The following SLC35F4 variants were observed in gnomAD, a reference collection of about 807,000 sequenced individuals.
SLC35F4 encodes the protein chromosome 14 open reading frame 36.
In SLC35F4, 24 loss-of-function variants were observed where a neutral mutation model predicts 44.2. That is an observed-to-expected ratio of 0.54 (90% CI 0.39 to 0.76). The LOEUF is 0.76. Ranked by LOEUF, SLC35F4 falls within the 30% of genes least tolerant of loss-of-function variation. SLC35F4 has a pLI of 0.00. For missense variants in SLC35F4, 562 were observed against 586.1 expected (o/e 0.96, Z 0.42); for synonymous variants, 238 against 223.6 (o/e 1.06, Z -0.57).
chr14:57,579,182 T>A (rs2069047577), intron 4 of SLC35F4, among the ~76,000 whole-genome samples: 1 of 152,210 alleles, frequency 6.6e-6, no homozygotes, highest in South Asian at 2.1e-4. Context: ...CTTTTCAAGA[T>A]CCTTAAGTTA....
chr14:57,602,758 A>G (rs763443032), intron 1 of SLC35F4, among the ~76,000 whole-genome samples: 1 of 152,154 alleles, frequency 6.6e-6, no homozygotes, highest in Non-Finnish European at 1.5e-5. Context: ...TTCATATACT[A>G]AAGAAGTGGT....
At chr14:57,720,267 C>T (rs1178491201) in intron 1 of SLC35F4, among the ~76,000 whole-genome samples, 1 of 152,050 alleles carries the variant, frequency 6.6e-6, no homozygotes, top group Non-Finnish European at 1.5e-5. Context: ...CATCACTATT[C>T]ATAATATAGG....
At chr14:57,565,671 A>G (rs1459618040) in intron 7 of SLC35F4, among the ~76,000 whole-genome samples, 2 of 152,166 alleles carry the variant, frequency 1.3e-5, no homozygotes, top group South Asian at 2.1e-4. Context: ...GTCTCACACA[A>G]TTTGGCATTT....
chr14:57,751,014 G>T (rs147766864), intron 1 of SLC35F4, among the ~76,000 whole-genome samples: 50 of 152,198 alleles, frequency 3.3e-4, no homozygotes, highest in Non-Finnish European at 6.0e-4. Flanking sequence ...TCTAGCACAC[G>T]TTACTTACAG....
chr14:57,694,778 T>A (rs1287658527), intron 1 of SLC35F4, among the ~76,000 whole-genome samples: 5 of 152,214 alleles, frequency 3.3e-5, no homozygotes, highest in African/African-American at 1.2e-4. Flanking sequence ...AGATTTATTC[T>A]TATTTGATTT....
intron 4 of SLC35F4, among the ~76,000 whole-genome samples, chr14:57,573,911 A>G (rs1022975625): frequency 3.9e-5 from 6 of 152,254 alleles, no homozygotes; most frequent in Admixed American, 2.0e-4. Flanking sequence ...ACTTGAAGCC[A>G]AGGCTAACAA....
chr14:57,899,505 T>C (rs1164067270), intron 1 of SLC35F4, among the ~76,000 whole-genome samples: 1 of 152,222 alleles, frequency 6.6e-6, no homozygotes, highest in Admixed American at 6.5e-5. Flanking sequence ...TTGAGAACCA[T>C]AAAGTGCTAC....
At chr14:57,970,315 C>T (rs866436255) in intron 1 of SLC35F4, among the ~76,000 whole-genome samples, 20 of 152,148 alleles carry the variant, frequency 1.3e-4, no homozygotes, top group Non-Finnish European at 2.8e-4. Context: ...AATACTTTCA[C>T]CTTTTTAAAA....
intron 1 of SLC35F4, among the ~76,000 whole-genome samples, chr14:57,910,290 G>A (rs1477635994): frequency 1.3e-5 from 2 of 152,032 alleles, no homozygotes; most frequent in African/African-American, 4.8e-5. Context: ...CAGAGAAGAA[G>A]TGTTTAATTT....
intron 1 of SLC35F4, among the ~76,000 whole-genome samples, chr14:57,757,695 T>C (rs554666518): frequency 1.6e-4 from 24 of 152,200 alleles, no homozygotes; most frequent in Non-Finnish European, 2.9e-4. Flanking sequence ...GCAATTTTTA[T>C]CATCATTCTT....
chr14:57,706,257 A>G (rs1336738594), intron 1 of SLC35F4, among the ~76,000 whole-genome samples: 1 of 152,240 alleles, frequency 6.6e-6, no homozygotes, highest in Non-Finnish European at 1.5e-5. Context: ...AAAAAATGAC[A>G]TCATTGTCCT....
intron 1 of SLC35F4, among the ~76,000 whole-genome samples, chr14:57,689,213 TC>T (rs1322639333): frequency 1.3e-5 from 2 of 152,142 alleles, no homozygotes. Context: ...AACAGCATCC[TC>T]CTCCAATTGA....
intron 1 of SLC35F4, among the ~76,000 whole-genome samples, chr14:57,892,327 C>T (rs1566923088): frequency 6.6e-6 from 1 of 152,216 alleles, no homozygotes; most frequent in Non-Finnish European, 1.5e-5. Flanking sequence ...AGTCAGGTGA[C>T]ATGTTTAGTC....
At chr14:57,967,870 T>G (rs1252526448) in intron 1 of SLC35F4, among the ~76,000 whole-genome samples, 2 of 152,222 alleles carry the variant, frequency 1.3e-5, no homozygotes, top group Non-Finnish European at 2.9e-5. Flanking sequence ...CAATTAGGCT[T>G]TGGTTTGATA....
intron 1 of SLC35F4, among the ~76,000 whole-genome samples, chr14:57,669,004 A>C (rs905001630): frequency 3.3e-5 from 5 of 151,920 alleles, no homozygotes; most frequent in East Asian, 1.9e-4. Context: ...CTTTTATTTC[A>C]TTGAGCAGTG....
intron 1 of SLC35F4, among the ~76,000 whole-genome samples, chr14:57,740,275 T>C (rs1217538952): frequency 2.0e-5 from 3 of 152,236 alleles, no homozygotes; most frequent in Non-Finnish European, 4.4e-5. Flanking sequence ...AAATCTATGA[T>C]AATTTGTCAT....
intron 1 of SLC35F4, among the ~76,000 whole-genome samples, chr14:57,738,198 T>C (rs2076512831): frequency 6.6e-6 from 1 of 152,162 alleles, no homozygotes; most frequent in Admixed American, 6.5e-5. Context: ...TACCCATCTG[T>C]TGATTGCAAA....
At chr14:57,794,845 G>GA (rs772137269) in intron 1 of SLC35F4, among the ~76,000 whole-genome samples, 1 of 151,672 alleles carries the variant, frequency 6.6e-6, no homozygotes, top group Admixed American at 6.6e-5. Flanking sequence ...ATACTTCTGG[G>GA]AAAAAAAACT....
At chr14:57,825,290 T>C (rs1394226282) in intron 1 of SLC35F4, among the ~76,000 whole-genome samples, 1 of 152,140 alleles carries the variant, frequency 6.6e-6, no homozygotes. Context: ...CTTAGAAATG[T>C]CTGGGAAATA....
Sources: gnomAD v4.1 joint callset for allele counts (sites outside exome capture counted in the v4.1 genomes callset) on GRCh38, gnomAD v4.1.1 for gene constraint, MANE v1.5 for transcripts, NCBI Gene and HGNC (gene_info 2026-07-23, HGNC 2026-07-21) for gene names.